DSCAM: variants seen among roughly 807,000 people sequenced by gnomAD.
DSCAM encodes DS cell adhesion molecule, also known as cell adhesion molecule DSCAM.
DSCAM carries 47 observed loss-of-function variants against 217.7 expected under a neutral mutation model. The ratio of observed to expected loss-of-function variants is 0.22; its 90% CI spans 0.17 to 0.28. DSCAM has a LOEUF of 0.28. Among genes scored for constraint, DSCAM ranks in the 10% least tolerant of loss-of-function variants. The pLI, the probability that DSCAM is intolerant of heterozygous loss-of-function variation, is 1.00. For missense variants in DSCAM, 2,080 were observed against 2,618.3 expected (o/e 0.79, Z 4.49); for synonymous variants, 1,056 against 1,015.3 (o/e 1.04, Z -0.76).
intron 3 of DSCAM, among the ~76,000 whole-genome samples, chr21:40,395,216 C>T (rs2075168141): frequency 6.6e-6 from 1 of 152,064 alleles, no homozygotes. Flanking sequence ...TGAGAAGAGA[C>T]TATTAGGGGG....
At chr21:40,720,989 G>A (rs1035688823) in intron 1 of DSCAM, among the ~76,000 whole-genome samples, 14 of 152,198 alleles carry the variant, frequency 9.2e-5, no homozygotes, top group Non-Finnish European at 2.9e-5. Context: ...ACACCAGAAA[G>A]AAGTGGGTGA....
At chr21:40,499,404 A>C (rs2146033031) in intron 3 of DSCAM, among the ~76,000 whole-genome samples, 1 of 152,308 alleles carries the variant, frequency 6.6e-6, no homozygotes, top group African/African-American at 2.4e-5. Context: ...ATTAAAGCAA[A>C]CAAAAAAACC....
intron 32 of DSCAM, among the ~76,000 whole-genome samples, chr21:40,030,009 CATGCGTGCACACAT>C (rs2088487123): frequency 6.6e-6 from 1 of 151,658 alleles, no homozygotes; most frequent in Non-Finnish European, 1.5e-5. Flanking sequence ...TGCGCACACA[CATGCGTGCACACAT>C]ACACATTCAC....
chr21:40,513,372 T>C (rs2076275616), intron 3 of DSCAM: 1 of 152,178 alleles, frequency 6.6e-6, no homozygotes, highest in African/African-American at 2.4e-5. Context: ...TCTTAGTCTG[T>C]TTGGTGCTGC....
chr21:40,808,059 C>G (rs1425883945), intron 1 of DSCAM, among the ~76,000 whole-genome samples: 1 of 152,106 alleles, frequency 6.6e-6, no homozygotes, highest in Non-Finnish European at 1.5e-5. Context: ...TGACCTCAAC[C>G]AAAGACGCCT....
intron 31 of DSCAM, 109 bp downstream of exon 31, chr21:40,043,969 T>G: frequency 9.0e-7 from 1 of 1,108,804 alleles, no homozygotes; most frequent in Non-Finnish European, 1.3e-6. Flanking sequence ...CAAAAGAACA[T>G]AAGTAAGAGG....
intron 3 of DSCAM, among the ~76,000 whole-genome samples, chr21:40,585,956 A>T (rs2076943320): frequency 6.6e-6 from 1 of 152,184 alleles, no homozygotes; most frequent in African/African-American, 2.4e-5. Flanking sequence ...TCGCAAGTTC[A>T]AGCGATTCGC....
intron 32 of DSCAM, among the ~76,000 whole-genome samples, chr21:40,039,925 T>C (rs1452332284): frequency 3.9e-5 from 6 of 152,156 alleles, no homozygotes; most frequent in Non-Finnish European, 8.8e-5. Context: ...GAAACAGACA[T>C]GACGAATATC....
intron 12 of DSCAM, among the ~76,000 whole-genome samples, 194 bp downstream of exon 12, chr21:40,188,845 TTAA>T (rs2090924254): frequency 6.6e-6 from 1 of 152,000 alleles, no homozygotes; most frequent in African/African-American, 2.4e-5. Context: ...AACCCTATTC[TTAA>T]TAACACTTAG....
At chr21:40,568,659 TAA>T (rs1228450045) in intron 3 of DSCAM, among the ~76,000 whole-genome samples, 1 of 152,216 alleles carries the variant, frequency 6.6e-6, no homozygotes, top group Non-Finnish European at 1.5e-5. Context: ...AGTCACATAG[TAA>T]AAGTTTTAGT....
At chr21:40,359,019 A>G (rs2074728142) in intron 4 of DSCAM, among the ~76,000 whole-genome samples, 1 of 152,206 alleles carries the variant, frequency 6.6e-6, no homozygotes, top group African/African-American at 2.4e-5. Context: ...CCTAATCAGT[A>G]CACAAAAAGA....
intron 8 of DSCAM, among the ~76,000 whole-genome samples, chr21:40,333,598 C>T (rs2074399187): frequency 6.6e-6 from 1 of 152,232 alleles, no homozygotes; most frequent in Non-Finnish European, 1.5e-5. Context: ...CTCCTGGCCT[C>T]AAGTGATCCT....
At chr21:40,812,444 C>T (rs2091847345) in intron 1 of DSCAM, among the ~76,000 whole-genome samples, 1 of 152,178 alleles carries the variant, frequency 6.6e-6, no homozygotes, top group Non-Finnish European at 1.5e-5. Flanking sequence ...CCCTGAGCCA[C>T]AGCTCTCATC....
intron 3 of DSCAM, among the ~76,000 whole-genome samples, chr21:40,375,162 C>T (rs1311173134): frequency 6.6e-6 from 1 of 152,216 alleles, no homozygotes; most frequent in Non-Finnish European, 1.5e-5. Context: ...GCTTCTACCT[C>T]CAAAATATAT....
At chr21:40,054,590 T>C (rs974896763) in intron 29 of DSCAM, among the ~76,000 whole-genome samples, 17 of 152,202 alleles carry the variant, frequency 1.1e-4, no homozygotes, top group Non-Finnish European at 2.2e-4. Context: ...CTGGGACTCA[T>C]GCCAGCAAAC....
intron 11 of DSCAM, among the ~76,000 whole-genome samples, chr21:40,199,129 T>C (rs2091044838): frequency 6.6e-6 from 1 of 152,120 alleles, no homozygotes; most frequent in Non-Finnish European, 1.5e-5. Flanking sequence ...ATGAAGGCAA[T>C]GGGTACAGAG....
At chr21:40,484,349 G>A (rs1459596362) in intron 3 of DSCAM, among the ~76,000 whole-genome samples, 2 of 152,182 alleles carry the variant, frequency 1.3e-5, no homozygotes, top group Non-Finnish European at 2.9e-5. Context: ...ACTCTGCAGA[G>A]ATAGAGGTTA....
At chr21:40,348,965 C>A (rs1421532706) in intron 5 of DSCAM, among the ~76,000 whole-genome samples, 1 of 151,268 alleles carries the variant, frequency 6.6e-6, no homozygotes, top group Non-Finnish European at 1.5e-5. Context: ...CACAGTGAAA[C>A]CCCATCTCTA....
intron 3 of DSCAM, among the ~76,000 whole-genome samples, chr21:40,419,746 AC>A (rs1472770522): frequency 6.6e-6 from 1 of 152,202 alleles, no homozygotes; most frequent in Non-Finnish European, 1.5e-5. Context: ...TGGTCATGAA[AC>A]CTAAAATCAA....
Sources: gnomAD v4.1 joint callset for allele counts (sites outside exome capture counted in the v4.1 genomes callset) on GRCh38, gnomAD v4.1.1 for gene constraint, MANE v1.5 for transcripts, NCBI Gene and HGNC (gene_info 2026-07-23, HGNC 2026-07-21) for gene names.